RALGPS1: variants seen among roughly 807,000 people sequenced by gnomAD.
The protein encoded by RALGPS1 is Ral GEF with PH domain and SH3 binding motif 1, also known as ras-specific guanine nucleotide-releasing factor RalGPS1.
RALGPS1 carries 19 observed loss-of-function variants against 78.8 expected under a neutral mutation model. The ratio of observed to expected loss-of-function variants is 0.24; its 90% CI spans 0.17 to 0.35. The LOEUF (loss-of-function observed/expected upper bound fraction) is 0.35. Ranked by LOEUF, RALGPS1 falls within the 10% of genes least tolerant of loss-of-function variation. The pLI is 1.00. For synonymous variants in RALGPS1, 228 were observed against 256.3 expected, an observed-to-expected ratio of 0.89 and a Z score of 1.06; for missense variants, 454 against 688.3, an observed-to-expected ratio of 0.66 and a Z score of 3.81.
At chr9:127,103,604 C>G (rs2053941000) in intron 8 of RALGPS1, among the ~76,000 whole-genome samples, 1 of 152,176 alleles carries the variant, frequency 6.6e-6, no homozygotes, top group Non-Finnish European at 1.5e-5. Context: ...GTTGTACTTT[C>G]TACTGGGGAG....
At chr9:127,138,058 G>A (rs1229231065) in intron 8 of RALGPS1, among the ~76,000 whole-genome samples, 11 of 152,222 alleles carry the variant, frequency 7.2e-5, no homozygotes. Flanking sequence ...CCTCAAATGG[G>A]AGAGCTAACC....
At chr9:127,094,581 C>T (rs1029482825) in intron 8 of RALGPS1, among the ~76,000 whole-genome samples, 9 of 152,258 alleles carry the variant, frequency 5.9e-5, no homozygotes, top group African/African-American at 2.2e-4. Flanking sequence ...TAGCCAGAGA[C>T]TTTGGGATAT....
intron 4 of RALGPS1, among the ~76,000 whole-genome samples, chr9:126,989,366 A>G (rs2042081416): frequency 6.6e-6 from 1 of 152,170 alleles, no homozygotes; most frequent in South Asian, 2.1e-4. Context: ...GAGGAGGGGA[A>G]GACTCAAGCC....
chr9:127,054,062 C>T (rs1187730096), intron 7 of RALGPS1, among the ~76,000 whole-genome samples: 1 of 152,182 alleles, frequency 6.6e-6, no homozygotes, highest in Non-Finnish European at 1.5e-5. Context: ...GAGATGCTGC[C>T]AAGCAGGCAG....
chr9:127,167,103 T>C (rs1331212206), intron 9 of RALGPS1, among the ~76,000 whole-genome samples: 3 of 152,060 alleles, frequency 2.0e-5, no homozygotes, highest in Non-Finnish European at 4.4e-5. Context: ...GGAGTAAAAG[T>C]CCGGAAGCAC....
chr9:127,196,986 A>G (rs750327503), intron 13 of RALGPS1, among the ~76,000 whole-genome samples: 16 of 152,204 alleles, frequency 1.1e-4, no homozygotes, highest in Non-Finnish European at 1.9e-4. Context: ...CTGGGGGATC[A>G]TGACCCACAG....
At chr9:126,991,190 AAC>A (rs1299518605) in intron 4 of RALGPS1, among the ~76,000 whole-genome samples, 1 of 152,214 alleles carries the variant, frequency 6.6e-6, no homozygotes, top group Non-Finnish European at 1.5e-5. Flanking sequence ...TCACAGTGGA[AAC>A]AGAGTAGAAA....
chr9:126,931,937 T>G lies in RALGPS1; in HGVS notation c.-66+16962T>G, dbSNP rs148757343. Among the ~76,000 whole-genome samples, 566 of 151,918 alleles carry G rather than the reference T, an allele frequency of 3.7e-3. 2 individuals are homozygous for G. Among genetic ancestry groups the G allele is most frequent in the African/African-American group, 0.013 (533 of 41,504 alleles). ...CTGTGTGTCTGCCTCAAAGTTGAGT[T>G]GATAGAGGAGCAATGTGTTGGGATT... On this transcript the variant is annotated intron_variant, in intron 1 of 18. Transcript: ENST00000259351.
At chr9:127,106,216 T>TTATA (rs1420549487) in intron 8 of RALGPS1, among the ~76,000 whole-genome samples, 1 of 152,038 alleles carries the variant, frequency 6.6e-6, no homozygotes, top group African/African-American at 2.4e-5. Context: ...CCAGTCAGGG[T>TTATA]TATAACAACA....
Position 127,091,529 on chromosome 9 carries a change from G to T in RALGPS1, c.610+22173G>T. ...GGGCAGGAGAAGGGACCCTCAGGGG[G>T]TGGTAACAGGGTCAGGCAGCTTGGC... is the stretch of plus-strand genomic sequence containing the variant. On this transcript the variant is annotated intron_variant, in intron 8 of 18. Coordinates refer to ENST00000259351, the MANE Select transcript of RALGPS1 (RefSeq NM_014636.3). This position sits in a 1 kb window ranked among gnomAD's most constrained non-coding sequence, Gnocchi z 4.3. The T allele has an allele frequency of 1.5e-5, 17 of 1,147,968 alleles. No individual in the cohort carries two copies. The highest frequency in any genetic ancestry group is 1.8e-5 in the Non-Finnish European group (15 of 811,660). The allele number at this position is 1,147,968 out of a possible 1,614,324, so 71.1% of individuals were successfully genotyped here. A position where few individuals can be genotyped will look rare whatever the true frequency, so the allele number is the denominator to read the frequency against.
In RALGPS1 at chr9:127,214,775, G is replaced by T. The variant is rs946916580; in HGVS notation, c.1577G>T (p.Gly526Val). The T allele has an allele frequency of 3.1e-6, 5 of 1,610,686 alleles. No homozygotes were observed. Among genetic ancestry groups the T allele is most frequent in the Non-Finnish European group, 4.2e-6 (5 of 1,178,768 alleles). The change falls in exon 18 of 19, where the codon GGT becomes GTT. Residue 526 changes from glycine to valine, a missense_variant. Transcript: ENST00000259351. ...DKGNVYKFQT[G>V]SRFHAILWHK... Reference sequence around the variant, plus strand: ...GGCAATGTTTACAAGTTTCAGACTGGTTCCCGATTTCATGCAATACTGTGG... The same window carrying T: ...GGCAATGTTTACAAGTTTCAGACTGTTTCCCGATTTCATGCAATACTGTGG...
chr9:126,971,604 A>G (rs879320431), intron 3 of RALGPS1, among the ~76,000 whole-genome samples: 10 of 152,196 alleles, frequency 6.6e-5, no homozygotes, highest in Non-Finnish European at 1.2e-4. Context: ...GACACAAACA[A>G]ACTGTTGTGA....
intron 5 of RALGPS1, among the ~76,000 whole-genome samples, chr9:127,047,400 A>G (rs2047896301): frequency 6.6e-6 from 1 of 152,214 alleles, no homozygotes; most frequent in South Asian, 2.1e-4. Flanking sequence ...CATGTTCTAT[A>G]TAGAGAAAAA....
chr9:127,086,521 T>C (rs2051764607), intron 8 of RALGPS1, among the ~76,000 whole-genome samples: 2 of 152,252 alleles, frequency 1.3e-5, no homozygotes, highest in Admixed American at 1.3e-4. Context: ...CATGTGTACA[T>C]GTACTTTGCC....
intron 5 of RALGPS1, among the ~76,000 whole-genome samples, chr9:127,043,274 A>C (rs1329423140): frequency 6.6e-6 from 1 of 152,084 alleles, no homozygotes; most frequent in East Asian, 1.9e-4. Context: ...TTGGCCCCAT[A>C]GGTCGATGGA....
chr9:126,954,791 A>C (rs1432841571), intron 1 of RALGPS1, among the ~76,000 whole-genome samples: 1 of 152,200 alleles, frequency 6.6e-6, no homozygotes, highest in African/African-American at 2.4e-5. Context: ...CCTGGGTGAC[A>C]GAGTGAGACT....
chr9:127,006,526 C>T (rs955066952), intron 4 of RALGPS1, among the ~76,000 whole-genome samples: 4 of 152,144 alleles, frequency 2.6e-5, no homozygotes, highest in Non-Finnish European at 5.9e-5. Flanking sequence ...TTTCACAATT[C>T]CACTGTTACA....
rs1230129989 is a variant in RALGPS1 at position 126,914,965 on chromosome 9, C to G, written c.-76C>G. The stretch of plus-strand genomic sequence containing the variant: ...GAGGAAGCGGCGGCAGCCACTGCGG[C>G]CCGCGTCAAGGTGACCGGCCGGGAC... On this transcript the variant is annotated 5_prime_UTR_variant, in exon 1 of 19. Coordinates refer to ENST00000259351, the MANE Select transcript of RALGPS1 (RefSeq NM_014636.3). 6.6e-6 allele frequency: 1 copy of G among 151,386 alleles called. No homozygotes were observed. Among genetic ancestry groups the G allele is most frequent in the Admixed American group, 6.6e-5 (1 of 15,168 alleles). 9.4% of individuals were successfully genotyped at this position (151,386 alleles called of 1,614,324 possible).
At chr9:127,093,665 G>T (rs1426116642) in intron 8 of RALGPS1, 2 of 1,571,426 alleles carry the variant, frequency 1.3e-6, no homozygotes, top group Non-Finnish European at 8.7e-7. Flanking sequence ...TCTATTGGTT[G>T]CTCAGGCCTC....
Sources: gnomAD v4.1 joint callset for allele counts (sites outside exome capture counted in the v4.1 genomes callset) on GRCh38, gnomAD v4.1.1 for gene constraint, Gnocchi (gnomAD v3.1) non-coding constraint, MANE v1.5 for transcripts, NCBI Gene and HGNC (gene_info 2026-07-23, HGNC 2026-07-21) for gene names.